CNBP: variants seen among roughly 807,000 people sequenced by gnomAD.
The protein encoded by CNBP is CCHC-type zinc finger nucleic acid binding protein, also known as cellular nucleic acid-binding protein.
A neutral mutation model predicts 21.2 loss-of-function variants in CNBP; 6 were observed. The observed-to-expected ratio is 0.28, with a 90% CI of 0.16 to 0.56. The LOEUF (loss-of-function observed/expected upper bound fraction) is 0.56, where lower values mean the gene tolerates loss of function less well. Among genes scored for constraint, CNBP ranks in the 20% least tolerant of loss-of-function variants. The pLI, the probability that CNBP is intolerant of heterozygous loss-of-function variation, is 0.93. For synonymous variants in CNBP, 61 were observed against 74.9 expected (o/e 0.81, Z 0.96); for missense variants, 112 against 233.1 (o/e 0.48, Z 3.38).
At position 129,168,376 on chromosome 3, in the gene CNBP, A is replaced by T. The variant is rs1025197731; in HGVS notation, c.*2077T>A. Among the ~76,000 whole-genome samples, 2 of 152,038 alleles carry T rather than the reference A, an allele frequency of 1.3e-5. No individual in the cohort carries two copies. The highest frequency in any genetic ancestry group is 1.3e-4 in the Admixed American group (2 of 15,236). ...AGGAAAAGGTGGGGCACAGTGGCTCACCTGAGGGCAACAGTTGGAGACCAG... is the reference window on the plus strand; with the variant it reads ...AGGAAAAGGTGGGGCACAGTGGCTCTCCTGAGGGCAACAGTTGGAGACCAG... On this transcript the variant is annotated 3_prime_UTR_variant, in exon 5 of 5. Coordinates refer to ENST00000422453, the MANE Select transcript of CNBP (RefSeq NM_003418.5).
intron 1 of CNBP, among the ~76,000 whole-genome samples, chr3:129,175,764 CTAGAG>C (rs1236070658): frequency 2.6e-5 from 4 of 152,226 alleles, no homozygotes; most frequent in African/African-American, 7.2e-5. Flanking sequence ...ATTTTGTTTA[CTAGAG>C]TAAATTAATG....
At chr3:129,182,959 TTTG>T (rs1553789271) in intron 1 of CNBP, among the ~76,000 whole-genome samples, 3 of 151,764 alleles carry the variant, frequency 2.0e-5, no homozygotes, top group Non-Finnish European at 4.4e-5. Context: ...TGTTTGTTTG[TTTG>T]TTTTTTTAAG....
chr3:129,171,869 A>T, intron 1 of CNBP, 98 bp from the exon 2 acceptor site: 1 of 1,307,220 alleles, frequency 7.6e-7, no homozygotes, highest in Non-Finnish European at 1.0e-6. Context: ...CTGGGGAAAA[A>T]AGCTAGCTAA....
At chr3:129,178,749 A>ATTT (rs538954518) in intron 1 of CNBP, among the ~76,000 whole-genome samples, 3 of 144,764 alleles carry the variant, frequency 2.1e-5, no homozygotes, top group African/African-American at 7.6e-5. Flanking sequence ...AACACTTCAG[A>ATTT]TTTTTTTTTT....
chr3:129,174,532 G>A (rs1937764115), intron 1 of CNBP, among the ~76,000 whole-genome samples: 1 of 151,640 alleles, frequency 6.6e-6, no homozygotes, highest in Non-Finnish European at 1.5e-5. Flanking sequence ...AGGCTTGGTG[G>A]CTCATGCCTA....
At position 129,169,524 on chromosome 3, in the gene CNBP, C is replaced by G; in HGVS notation, c.*929G>C. ...TTCCCCTCTTTAATATGGTATTTTG[C>G]ACTATATACATTAATGAAAATTTGA... On this transcript the variant is annotated 3_prime_UTR_variant, in exon 5 of 5. Transcript: ENST00000422453. 1 of 202,778 alleles carries G rather than the reference C, an allele frequency of 4.9e-6. No individual in the cohort carries two copies. Among genetic ancestry groups the G allele is most frequent in the Non-Finnish European group, 1.0e-5 (1 of 98,554 alleles). 12.6% of individuals were successfully genotyped at this position (202,778 alleles called of 1,614,324 possible). A position where few individuals can be genotyped will look rare whatever the true frequency, so the allele number is the denominator to read the frequency against.
chr3:129,183,593 CG>C (rs759246974), intron 1 of CNBP, among the ~76,000 whole-genome samples, 182 bp downstream of exon 1: 146 of 152,380 alleles, frequency 9.6e-4, no homozygotes, highest in Non-Finnish European at 1.7e-3. Context: ...CGTCCGACAG[CG>C]GTGCGCCAGA....
chr3:129,180,476 T>C (rs2107647605), intron 1 of CNBP, among the ~76,000 whole-genome samples: 1 of 152,382 alleles, frequency 6.6e-6, no homozygotes, highest in Admixed American at 6.5e-5. Context: ...CACTCTCATA[T>C]TCCTAATTAA....
intron 1 of CNBP, among the ~76,000 whole-genome samples, chr3:129,180,762 CTTTT>C (rs755567747): frequency 7.1e-6 from 1 of 140,054 alleles, no homozygotes; most frequent in Middle Eastern, 3.7e-3. Context: ...AGGAACCAAT[CTTTT>C]TTTTTTTTTT....
At position 129,169,391 on chromosome 3, in the gene CNBP, CA is replaced by C. The variant is rs1381381698; in HGVS notation, c.*1061del. On this transcript the variant is annotated 3_prime_UTR_variant, in exon 5 of 5. Coordinates refer to ENST00000422453, the MANE Select transcript of CNBP (RefSeq NM_003418.5). ...ACAAAGTGAATTTTCTATAGCTTTG[CA>C]AAAGTATCTAAATCCCATACATCCT... 1 of 193,754 alleles carries C rather than the reference CA, an allele frequency of 5.2e-6. No homozygotes were observed. Among genetic ancestry groups the C allele is most frequent in the African/African-American group, 2.3e-5 (1 of 43,088 alleles). The allele number at this position is 193,754 out of a possible 1,614,324, so 12.0% of individuals were successfully genotyped here. A position where few individuals can be genotyped will look rare whatever the true frequency, so the allele number is the denominator to read the frequency against.
In CNBP at chr3:129,169,659, C is replaced by CTTT; in HGVS notation, c.*791_*793dup. The stretch of plus-strand genomic sequence containing the variant: ...GACTTCAGTTGCTCTTTCCATCTGA[C>CTTT]TTTTAAAAACTGATTACAGCAAATG... On this transcript the variant is annotated 3_prime_UTR_variant, in exon 5 of 5. Coordinates refer to ENST00000422453, the MANE Select transcript of CNBP (RefSeq NM_003418.5). 4.7e-6 allele frequency: 1 copy of CTTT among 210,924 alleles called. No homozygotes were observed. Among genetic ancestry groups the CTTT allele is most frequent in the East Asian group, 7.2e-5 (1 of 13,810 alleles). 13.1% of individuals were successfully genotyped at this position (210,924 alleles called of 1,614,324 possible).
intron 1 of CNBP, among the ~76,000 whole-genome samples, chr3:129,180,414 C>G (rs763612557): frequency 6.6e-6 from 1 of 152,202 alleles, no homozygotes; most frequent in Non-Finnish European, 1.5e-5. Context: ...ACTTGCTTCA[C>G]TAGTTAACAC....
chr3:129,173,071 AT>A (rs1299029912), intron 1 of CNBP, among the ~76,000 whole-genome samples: 3 of 152,306 alleles, frequency 2.0e-5, no homozygotes, highest in African/African-American at 7.2e-5. Flanking sequence ...GGCCCTCTAT[AT>A]CCATGGGTTC....
chr3:129,175,821 T>C (rs1464762538), intron 1 of CNBP, among the ~76,000 whole-genome samples: 1 of 152,198 alleles, frequency 6.6e-6, no homozygotes, highest in African/African-American at 2.4e-5. Flanking sequence ...AAGAAAAACA[T>C]TAATAGCCTC....
intron 1 of CNBP, among the ~76,000 whole-genome samples, chr3:129,172,687 GACAGACAGACACACACACACACAC>G (rs1937631578): frequency 1.1e-5 from 1 of 94,204 alleles, no homozygotes; most frequent in African/African-American, 3.9e-5. Flanking sequence ...CAGACAGACA[GACAGACAGACACACACACACACAC>G]ACACACACAC....
At chr3:129,176,061 C>T (rs1937884267) in intron 1 of CNBP, among the ~76,000 whole-genome samples, 1 of 152,180 alleles carries the variant, frequency 6.6e-6, no homozygotes, top group South Asian at 2.1e-4. Flanking sequence ...TATTAGGCAG[C>T]AGGTCCCCAT....
intron 1 of CNBP, among the ~76,000 whole-genome samples, chr3:129,176,700 T>C (rs933603257): frequency 1.3e-5 from 2 of 152,210 alleles, no homozygotes; most frequent in South Asian, 2.1e-4. Context: ...AGTCACTCTC[T>C]GAAACTCTCA....
Position 129,169,469 on chromosome 3 carries a change from G to C in CNBP, c.*984C>G, listed in dbSNP as rs150234979. On this transcript the variant is annotated 3_prime_UTR_variant, in exon 5 of 5. Transcript: ENST00000422453. ...ACATGACTTAAGTACAAAAAGAAAA[G>C]TCCAAACTGTCAGCTTTCAGTCCTC... 8 of 197,188 alleles carry C rather than the reference G, an allele frequency of 4.1e-5. No individual in the cohort carries two copies. Among genetic ancestry groups the C allele is most frequent in the Admixed American group, 2.4e-4 (4 of 16,498 alleles). 12.2% of individuals were successfully genotyped at this position (197,188 alleles called of 1,614,324 possible).
intron 1 of CNBP, among the ~76,000 whole-genome samples, chr3:129,181,374 C>T (rs1439148077): frequency 6.6e-6 from 1 of 151,394 alleles, no homozygotes; most frequent in East Asian, 1.9e-4. Context: ...AAAAACCTGG[C>T]CAGGCGCGGT....
Sources: gnomAD v4.1 joint callset for allele counts (sites outside exome capture counted in the v4.1 genomes callset) on GRCh38, gnomAD v4.1.1 for gene constraint, MANE v1.5 for transcripts, NCBI Gene and HGNC (gene_info 2026-07-23, HGNC 2026-07-21) for gene names.